The following USH2A variants were observed in gnomAD, a reference collection of about 807,000 sequenced individuals.
The protein encoded by USH2A is Usher syndrome 2A (autosomal recessive, mild).
Under a neutral mutation model 538.9 loss-of-function variants are expected in USH2A, and 443 were observed. The ratio of observed to expected loss-of-function variants is 0.82; its 90% CI spans 0.76 to 0.89. USH2A has a LOEUF of 0.89. Ranked by LOEUF, USH2A falls within the 40% of genes least tolerant of loss-of-function variation. The pLI is 0.00. For synonymous variants in USH2A, 2,413 were observed against 2,273.5 expected, an observed-to-expected ratio of 1.06 and a Z score of -1.75; for missense variants, 6,633 against 6,324.8, an observed-to-expected ratio of 1.05 and a Z score of -1.65.
chr1:215,780,283 A>G (rs1661593592), intron 54 of USH2A, among the ~76,000 whole-genome samples: 1 of 152,176 alleles, frequency 6.6e-6, no homozygotes, highest in African/African-American at 2.4e-5. Flanking sequence ...TTCAACAACA[A>G]TTTTGACGGC....
At chr1:215,755,106 A>G (rs911641105) in intron 58 of USH2A, among the ~76,000 whole-genome samples, 1 of 152,164 alleles carries the variant, frequency 6.6e-6, no homozygotes, top group Non-Finnish European at 1.5e-5. Context: ...CTGGGCTACT[A>G]TTTCAAAAAC....
At chr1:216,377,995 G>A (rs543406065) in intron 3 of USH2A, among the ~76,000 whole-genome samples, 2 of 151,994 alleles carry the variant, frequency 1.3e-5, no homozygotes, top group Non-Finnish European at 2.9e-5. Flanking sequence ...GTGGGGCTGT[G>A]TGCTTCGGAT....
chr1:215,947,840 G>A (rs1210581443), intron 37 of USH2A, among the ~76,000 whole-genome samples: 1 of 152,052 alleles, frequency 6.6e-6, no homozygotes, highest in Non-Finnish European at 1.5e-5. Context: ...CAGTTTGATG[G>A]TATCATAATT....
chr1:216,119,822 GCTTT>G (rs2033090273), intron 21 of USH2A, among the ~76,000 whole-genome samples: 1 of 152,040 alleles, frequency 6.6e-6, no homozygotes, highest in Non-Finnish European at 1.5e-5. Flanking sequence ...ATGTTGATAT[GCTTT>G]CTTTCTATGG....
At chr1:216,387,060 C>A (rs552683124) in intron 3 of USH2A, among the ~76,000 whole-genome samples, 46 of 152,218 alleles carry the variant, frequency 3.0e-4, no homozygotes, top group African/African-American at 1.0e-3. Context: ...AATTTAATTA[C>A]TTTGTATGAA....
At chr1:216,393,034 A>G (rs960781799) in intron 3 of USH2A, among the ~76,000 whole-genome samples, 9 of 152,190 alleles carry the variant, frequency 5.9e-5, no homozygotes, top group African/African-American at 1.7e-4. Context: ...CATAGTAGAT[A>G]TCTATTGTCT....
intron 32 of USH2A, among the ~76,000 whole-genome samples, chr1:216,006,186 A>T (rs921530057): frequency 3.3e-5 from 5 of 152,160 alleles, no homozygotes; most frequent in Admixed American, 3.3e-4. Flanking sequence ...AACATTCAGC[A>T]TAGTTACACC....
intron 70 of USH2A, among the ~76,000 whole-genome samples, 173 bp from the exon 71 acceptor site, chr1:215,629,208 C>G (rs1230380531): frequency 1.3e-5 from 2 of 152,130 alleles, no homozygotes; most frequent in African/African-American, 4.8e-5. Context: ...CTATGAGCAC[C>G]CACAACACGG....
rs1441165192 is a variant in USH2A, at chr1:216,227,582, G to C, written c.2993+4371C>G. ...GGAAAACAGGAAGGGATCATATCAA[G>C]GACTGGGAACAGGTTATTTTTAGGC... On this transcript the variant is annotated intron_variant, in intron 14 of 71. Coordinates refer to ENST00000307340, the MANE Select transcript of USH2A (RefSeq NM_206933.4). 3.9e-5 allele frequency among the ~76,000 whole-genome samples: 6 copies of C among 152,244 alleles called. No homozygotes were observed. In the East Asian group the frequency reaches 1.2e-3, roughly 29 times the overall value.
In USH2A at chr1:215,817,108, G is replaced by A. The variant is rs73090721; in HGVS notation, c.9459C>T (p.Cys3153=). ...CCTGCACTAACTTTTGAGTTTTAGC[G>A]CATGGATACCATGTTTTCCATAGGA... ...YDLLWKTWYP[C]AKTQKLVQDQ... is the part of the protein sequence containing the mutation. Residue 3153 remains cysteine (C), a synonymous_variant, in exon 48 of 72, where the codon TGC becomes TGT. Transcript: ENST00000307340. The A allele has an allele frequency of 7.2e-4, 1,162 of 1,612,782 alleles. 9 individuals carry two copies. The African/African-American group carries it at 0.013, about 18-fold the overall frequency.
chr1:215,987,923 G>C (rs1667910041), intron 35 of USH2A, among the ~76,000 whole-genome samples: 1 of 119,876 alleles, frequency 8.3e-6, no homozygotes, highest in East Asian at 2.6e-4. Context: ...AGATCTCTAT[G>C]TGATTATTAA....
intron 30 of USH2A, among the ~76,000 whole-genome samples, chr1:216,066,957 C>T (rs1196403861): frequency 6.6e-6 from 1 of 152,134 alleles, no homozygotes; most frequent in African/African-American, 2.4e-5. Context: ...AGTTATTCCA[C>T]TGCTAGGGAT....
chr1:216,116,293 A>G (rs908564920), intron 21 of USH2A, among the ~76,000 whole-genome samples: 5 of 152,092 alleles, frequency 3.3e-5, no homozygotes, highest in Non-Finnish European at 7.4e-5. Context: ...GATAAAAGAA[A>G]TTTCAAAAAT....
At chr1:215,915,238 T>C (rs1665921736) in intron 38 of USH2A, among the ~76,000 whole-genome samples, 1 of 152,002 alleles carries the variant, frequency 6.6e-6, no homozygotes, top group African/African-American at 2.4e-5. Flanking sequence ...AACAATGTTG[T>C]TTAAAATTAG....
intron 30 of USH2A, among the ~76,000 whole-genome samples, chr1:216,067,498 A>G (rs577582457): frequency 2.1e-5 from 3 of 145,204 alleles, no homozygotes; most frequent in East Asian, 2.0e-4. Context: ...CAGGGAGAGA[A>G]AAAAAAAAAA....
At chr1:215,836,526 TTATATATATATATATAATA>T (rs1663522762) in intron 47 of USH2A, among the ~76,000 whole-genome samples, 7 of 26,500 alleles carry the variant, frequency 2.6e-4, no homozygotes, top group African/African-American at 7.8e-4. Context: ...ATAATATATA[TTATATATATATATATAATA>T]TATATATATA....
chr1:215,708,893 G>C (rs759987702), intron 61 of USH2A, among the ~76,000 whole-genome samples: 5 of 152,158 alleles, frequency 3.3e-5, no homozygotes, highest in Non-Finnish European at 7.3e-5. Flanking sequence ...TGCTAAGGGG[G>C]TTTATGGATT....
rs1558038863 is a variant in USH2A, at chr1:216,325,524, G to T, written c.924C>A (p.His308Gln). Residue 308 changes from histidine (H) to glutamine (Q), a missense_variant, in exon 6 of 72, where the codon CAC becomes CAA. Transcript: ENST00000307340. ...AQSHCRCPGS[H>Q]PRVHPLAQRY... ...GCTGTGCCAAAGGGTGGACCCGCGG[G>T]TGGCTGCCAGGGCAACGGCAATGTG... is the stretch of plus-strand genomic sequence containing the variant. The T allele has an allele frequency of 6.2e-7, 1 of 1,613,664 alleles. No homozygotes were observed.
chr1:215,965,191 T>C, intron 37 of USH2A, 126 bp downstream of exon 37: 1 of 1,128,374 alleles, frequency 8.9e-7, no homozygotes, highest in South Asian at 1.5e-5. Flanking sequence ...GTATAGGTTA[T>C]TTTCAGGAAA....
Sources: gnomAD v4.1 joint callset for allele counts (sites outside exome capture counted in the v4.1 genomes callset) on GRCh38, gnomAD v4.1.1 for gene constraint, MANE v1.5 for transcripts, NCBI Gene and HGNC (gene_info 2026-07-23, HGNC 2026-07-21) for gene names.